The following AGAP1 variants were observed in gnomAD, a reference collection of about 807,000 sequenced individuals.
AGAP1 encodes the protein ArfGAP with GTPase domain, ankyrin repeat and PH domain 1.
Under a neutral mutation model 105.3 loss-of-function variants are expected in AGAP1, and 29 were observed. The observed-to-expected ratio is 0.28, with a 90% CI of 0.21 to 0.38. AGAP1 has a LOEUF of 0.38. Ranked by LOEUF, AGAP1 falls within the 10% of genes least tolerant of loss-of-function variation. The probability of loss-of-function intolerance (pLI) is 1.00; values close to 1 mark genes in which losing one functional copy is unlikely to be tolerated. For synonymous variants in AGAP1, 509 were observed against 485.9 expected (o/e 1.05, Z -0.63); for missense variants, 998 against 1,165.1 (o/e 0.86, Z 2.09).
rs533627822 is a variant in AGAP1, at chr2:235,788,043, A to G, written c.674-9716A>G. ...TCTGGGACCTTCCTAGGCCATTGGC[A>G]TCAACGCTGCAGCCTCTGAGTCATG... On this transcript the variant is annotated intron_variant, in intron 6 of 17. Transcript: ENST00000304032. This position sits in a 1 kb window ranked among gnomAD's most constrained non-coding sequence, Gnocchi z 6.0. Among the ~76,000 whole-genome samples the G allele has an allele frequency of 1.1e-4, 16 of 152,342 alleles. No individual in the cohort carries two copies. Among genetic ancestry groups the G allele is most frequent in the African/African-American group, 3.4e-4 (14 of 41,584 alleles).
At chr2:236,107,395 G>A (rs2059526721) in intron 16 of AGAP1, among the ~76,000 whole-genome samples, 1 of 152,122 alleles carries the variant, frequency 6.6e-6, no homozygotes. Flanking sequence ...GGCTGCTGTG[G>A]GCTGCTGTCC....
rs1260569353 is a variant in AGAP1 at position 236,045,962 on chromosome 2, G to A, written c.1892-3097G>A. The stretch of plus-strand genomic sequence containing the variant: ...TTCAGAGAATTCGGAGTCCGGCACA[G>A]GAATGTGTCCCACGCATGAATGTCG... On this transcript the variant is annotated intron_variant, in intron 15 of 17. Transcript: ENST00000304032. This position sits in a 1 kb window ranked among gnomAD's most constrained non-coding sequence, Gnocchi z 6.9. 1 of 471,752 alleles carries A rather than the reference G, an allele frequency of 2.1e-6. No homozygotes were observed. Among genetic ancestry groups the A allele is most frequent in the East Asian group, 6.9e-5 (1 of 14,390 alleles). 29.2% of individuals were successfully genotyped at this position (471,752 alleles called of 1,614,324 possible). A position where few individuals can be genotyped will look rare whatever the true frequency, so the allele number is the denominator to read the frequency against.
chr2:236,120,088 T>C lies in AGAP1; in HGVS notation c.2115-104T>C, dbSNP rs2059863487. 1.3e-6 allele frequency: 2 copies of C among 1,491,112 alleles called. No individual in the cohort carries two copies. 92.4% of individuals were successfully genotyped at this position (1,491,112 alleles called of 1,614,324 possible). On this transcript the variant is annotated intron_variant, in intron 16 of 17. Coordinates refer to ENST00000304032, the MANE Select transcript of AGAP1 (RefSeq NM_001037131.3). This position sits in a 1 kb window ranked among gnomAD's most constrained non-coding sequence, Gnocchi z 6.0. ...CCGAGTGAAGACCTTTGCTTTCTGTTATTTCACTTCCCTCTCGGCTTCTCC... is the reference window on the plus strand; with the variant it reads ...CCGAGTGAAGACCTTTGCTTTCTGTCATTTCACTTCCCTCTCGGCTTCTCC...
chr2:236,035,010 T>G lies in AGAP1; in HGVS notation c.1646-1551T>G. On this transcript the variant is annotated intron_variant, in intron 13 of 17. Coordinates refer to ENST00000304032, the MANE Select transcript of AGAP1 (RefSeq NM_001037131.3). This position sits in a 1 kb window ranked among gnomAD's most constrained non-coding sequence, Gnocchi z 4.2. Reference sequence around the variant, plus strand: ...CAGAAAGGAGTGGGGAAAGGGTGAGTGGGGTGGCACGTCCTCACGTCCCAG... The same window carrying G: ...CAGAAAGGAGTGGGGAAAGGGTGAGGGGGGTGGCACGTCCTCACGTCCCAG... 6.6e-6 allele frequency among the ~76,000 whole-genome samples: 1 copy of G among 151,348 alleles called. No homozygotes were observed.
In AGAP1 at chr2:235,750,368, G is replaced by C; in HGVS notation, c.553G>C (p.Ala185Pro). The C allele has an allele frequency of 6.2e-7, 1 of 1,614,162 alleles. No individual in the cohort carries two copies. The highest frequency in any genetic ancestry group is 1.1e-5 in the South Asian group (1 of 91,084). The stretch of plus-strand genomic sequence containing the variant: ...TTCTGTTCCAGATGCCATAAGTTCT[G>C]CTAACCCGAGGGTCATCGATGACGC... The part of the protein sequence containing the change: ...LVGTQDAISS[A>P]NPRVIDDARA... The change falls in exon 6 of 18, where the codon GCT (alanine) becomes CCT (proline). Residue 185 changes from alanine (A) to proline (P), a missense_variant. Physicochemically the swap from Ala to Pro is conservative, Grantham distance 27 (BLOSUM62 -1). Around this residue, in one of 3 missense-constraint regions of AGAP1, gnomAD observed 735 missense variants for 833.4 expected, o/e 0.88. Transcript: ENST00000304032. The surrounding 1 kb of genome is among the most constrained non-coding windows in gnomAD (Gnocchi z 5.3).
Position 235,721,389 on chromosome 2 carries a change from A to G in AGAP1, c.310+3745A>G, listed in dbSNP as rs1173540205. On this transcript the variant is annotated intron_variant, in intron 3 of 17. Coordinates refer to ENST00000304032, the MANE Select transcript of AGAP1 (RefSeq NM_001037131.3). This position sits in a 1 kb window ranked among gnomAD's most constrained non-coding sequence, Gnocchi z 4.5. ...GTTTTTCAATTAGTGAATTAACAAC[A>G]CAAAAGTGGGTAACACCGTAGGGAA... is the stretch of plus-strand genomic sequence containing the variant. Among the ~76,000 whole-genome samples, 3 of 152,254 alleles carry G rather than the reference A, an allele frequency of 2.0e-5. No homozygotes were observed. Among genetic ancestry groups the G allele is most frequent in the African/African-American group, 7.2e-5 (3 of 41,466 alleles).
chr2:236,034,141 T>A lies in AGAP1; in HGVS notation c.1646-2420T>A, dbSNP rs6742166. 9.9e-3 allele frequency among the ~76,000 whole-genome samples: 1,500 copies of A among 152,222 alleles called. 26 individuals carry two copies. Among genetic ancestry groups the A allele is most frequent in the African/African-American group, 0.032 (1,320 of 41,528 alleles). On this transcript the variant is annotated intron_variant, in intron 13 of 17. Transcript: ENST00000304032. ...GAATTGGGGCACTATCCTATGAGAA[T>A]CTGTATGGAAAAGGTTGTAAATCAT...
intron 1 of AGAP1, among the ~76,000 whole-genome samples, chr2:235,658,415 G>A (rs1050371013): frequency 4.6e-5 from 7 of 152,190 alleles, no homozygotes; most frequent in Admixed American, 6.5e-5. Context: ...AGAATGCTTC[G>A]GACGGGAAGA....
chr2:235,591,216 A>G (rs1419523015), intron 1 of AGAP1, among the ~76,000 whole-genome samples: 3 of 151,716 alleles, frequency 2.0e-5, no homozygotes, highest in Admixed American at 6.6e-5. Flanking sequence ...GGGTTTTGCC[A>G]TGTTGGCCAG....
In AGAP1 at chr2:235,934,284, C is replaced by T. The variant is rs2052877020; in HGVS notation, c.1483+3361C>T. On this transcript the variant is annotated intron_variant, in intron 12 of 17. Transcript: ENST00000304032. The surrounding 1 kb of genome is among the most constrained non-coding windows in gnomAD (Gnocchi z 4.9). ...GAACCACTGCTGTAAGTCCTCACTTCCCAAAGCCTGGTCCACGGACCAAGT... is the reference window on the plus strand; with the variant it reads ...GAACCACTGCTGTAAGTCCTCACTTTCCAAAGCCTGGTCCACGGACCAAGT... Among the ~76,000 whole-genome samples, 1 of 152,178 alleles carries T rather than the reference C, an allele frequency of 6.6e-6. No homozygotes were observed. Among genetic ancestry groups the T allele is most frequent in the Non-Finnish European group, 1.5e-5 (1 of 68,038 alleles).
At chr2:235,917,554 G>A (rs181057236) in intron 11 of AGAP1, among the ~76,000 whole-genome samples, 4 of 151,990 alleles carry the variant, frequency 2.6e-5, no homozygotes, top group Admixed American at 6.6e-5. Context: ...AAGAGGGAGC[G>A]CTCTCCGCCG....
In AGAP1 at chr2:235,931,520, G is replaced by A. The variant is rs1280444839; in HGVS notation, c.1483+597G>A. Among the ~76,000 whole-genome samples the A allele has an allele frequency of 3.3e-5, 5 of 152,014 alleles. No homozygotes were observed. Among genetic ancestry groups the A allele is most frequent in the African/African-American group, 1.2e-4 (5 of 41,376 alleles). On this transcript the variant is annotated intron_variant, in intron 12 of 17. Coordinates refer to ENST00000304032, the MANE Select transcript of AGAP1 (RefSeq NM_001037131.3). The surrounding 1 kb of genome is among the most constrained non-coding windows in gnomAD (Gnocchi z 5.6). ...CGTTGGAAACGATCTCGCCGTCTGT[G>A]TGGAGCGTGAATGACGCAGCACCGA...
intron 9 of AGAP1, among the ~76,000 whole-genome samples, chr2:235,829,151 G>A (rs1171516171): frequency 6.6e-6 from 1 of 152,244 alleles, no homozygotes; most frequent in Non-Finnish European, 1.5e-5. Flanking sequence ...CTGCCATGGG[G>A]CATGAGGCAG....
At position 235,621,530 on chromosome 2, in the gene AGAP1, C is replaced by T. The variant is rs919582664; in HGVS notation, c.164-87649C>T. Among the ~76,000 whole-genome samples the T allele has an allele frequency of 4.6e-5, 7 of 152,140 alleles. No homozygotes were observed. The highest frequency in any genetic ancestry group is 2.9e-5 in the Non-Finnish European group (2 of 68,030). On this transcript the variant is annotated intron_variant, in intron 1 of 17. Coordinates refer to ENST00000304032, the MANE Select transcript of AGAP1 (RefSeq NM_001037131.3). This position sits in a 1 kb window ranked among gnomAD's most constrained non-coding sequence, Gnocchi z 4.1. Reference sequence around the variant, plus strand: ...GCTGTCATGTGAATGTGTCAAGGGCCCTGTCACGTCTCTGAGCCGGCTTCT... The same window carrying T: ...GCTGTCATGTGAATGTGTCAAGGGCTCTGTCACGTCTCTGAGCCGGCTTCT...
At chr2:235,991,135 T>A (rs191071464) in intron 13 of AGAP1, among the ~76,000 whole-genome samples, 6 of 152,392 alleles carry the variant, frequency 3.9e-5, no homozygotes, top group Admixed American at 3.9e-4. Context: ...CTGTATTGTG[T>A]AAAACAAGCT....
At chr2:235,718,275 G>A (rs1951218741) in intron 3 of AGAP1, 1 of 707,902 alleles carries the variant, frequency 1.4e-6, no homozygotes, top group South Asian at 6.4e-5. Context: ...TTGACAAGCA[G>A]TTTTCTAAAT....
At chr2:235,873,590 C>A (rs566457583) in intron 9 of AGAP1, among the ~76,000 whole-genome samples, 1 of 152,130 alleles carries the variant, frequency 6.6e-6, no homozygotes, top group Non-Finnish European at 1.5e-5. Flanking sequence ...CTGGGGAGTC[C>A]GGGCTTTCCC....
At chr2:235,713,422 C>T (rs1387715083) in intron 2 of AGAP1, among the ~76,000 whole-genome samples, 1 of 152,232 alleles carries the variant, frequency 6.6e-6, no homozygotes, top group Non-Finnish European at 1.5e-5. Context: ...TAATAAGCAT[C>T]TCATTCACTC....
chr2:235,637,524 C>T (rs1209064349), intron 1 of AGAP1, among the ~76,000 whole-genome samples: 1 of 152,000 alleles, frequency 6.6e-6, no homozygotes, highest in Non-Finnish European at 1.5e-5. Context: ...TCAAGCTATC[C>T]TCCTGCCTCA....
Sources: gnomAD v4.1 joint callset for allele counts (sites outside exome capture counted in the v4.1 genomes callset) on GRCh38, gnomAD v4.1.1 for gene constraint, gnomAD v4.1.1 regional missense constraint, Gnocchi (gnomAD v3.1) non-coding constraint, MANE v1.5 for transcripts, NCBI Gene and HGNC (gene_info 2026-07-23, HGNC 2026-07-21) for gene names.